Variants in PLD5 observed in about 807,000 individuals in gnomAD.
PLD5 encodes inactive phospholipase D5.
Under a neutral mutation model 61.1 loss-of-function variants are expected in PLD5, and 36 were observed. The observed-to-expected ratio is 0.59, with a 90% CI of 0.45 to 0.78. The LOEUF (loss-of-function observed/expected upper bound fraction) is 0.78. PLD5 is among the 30% of genes least tolerant of loss of function. The probability of loss-of-function intolerance (pLI) is 0.00; values close to 1 mark genes in which losing one functional copy is unlikely to be tolerated. For missense variants in PLD5, 515 were observed against 644.4 expected, an observed-to-expected ratio of 0.80 and a Z score of 2.17; for synonymous variants, 243 against 242.8, an observed-to-expected ratio of 1.00 and a Z score of -0.01.
chr1:242,369,726 T>G (rs533763522), intron 1 of PLD5, among the ~76,000 whole-genome samples: 2 of 152,196 alleles, frequency 1.3e-5, no homozygotes, highest in Admixed American at 1.3e-4. Flanking sequence ...CTGTCTCTTA[T>G]AGCAATGAGA....
chr1:242,096,739 T>A (rs1247293428), intron 9 of PLD5, among the ~76,000 whole-genome samples: 1 of 151,862 alleles, frequency 6.6e-6, no homozygotes, highest in Non-Finnish European at 1.5e-5. Context: ...TGGACTTTTA[T>A]TTTTTATTTT....
At chr1:242,485,019 C>A (rs907760730) in intron 1 of PLD5, among the ~76,000 whole-genome samples, 1 of 152,018 alleles carries the variant, frequency 6.6e-6, no homozygotes, top group Non-Finnish European at 1.5e-5. Context: ...GCCCTTCATG[C>A]TAAAAACTCT....
intron 1 of PLD5, among the ~76,000 whole-genome samples, chr1:242,404,458 C>T (rs755077932): frequency 9.2e-5 from 14 of 152,144 alleles, no homozygotes; most frequent in East Asian, 1.9e-4. Context: ...ACATTAACTA[C>T]GAGCGTTTCT....
chr1:242,318,244 G>A (rs564786486), intron 2 of PLD5, among the ~76,000 whole-genome samples: 158 of 152,238 alleles, frequency 1.0e-3, no homozygotes, highest in Non-Finnish European at 1.7e-3. Context: ...CTTTGCCCAG[G>A]ATAAAAAGAG....
At chr1:242,432,237 C>T (rs1025079613) in intron 1 of PLD5, among the ~76,000 whole-genome samples, 1 of 152,104 alleles carries the variant, frequency 6.6e-6, no homozygotes, top group Non-Finnish European at 1.5e-5. Flanking sequence ...ACCAAGACTC[C>T]AGAAACTACT....
chr1:242,242,928 T>C (rs780683370), intron 4 of PLD5, among the ~76,000 whole-genome samples: 15 of 152,230 alleles, frequency 9.9e-5, no homozygotes, highest in Non-Finnish European at 1.6e-4. Context: ...CAGGTTTTTA[T>C]TACTAGAGAG....
At chr1:242,155,083 T>G (rs534478159) in intron 5 of PLD5, among the ~76,000 whole-genome samples, 2 of 152,312 alleles carry the variant, frequency 1.3e-5, no homozygotes, top group East Asian at 3.9e-4. Context: ...GGAGGGTGTA[T>G]GTGTCCAGCA....
intron 1 of PLD5, among the ~76,000 whole-genome samples, chr1:242,356,409 T>C (rs1280408405): frequency 6.6e-6 from 1 of 151,912 alleles, no homozygotes; most frequent in Admixed American, 6.6e-5. Flanking sequence ...GGTTTCCTTT[T>C]GTGTGGAATA....
rs141831194 is a variant in PLD5, at chr1:242,182,766, C to T, written c.735+37222G>A. Among the ~76,000 whole-genome samples, 1,198 of 152,264 alleles carry T rather than the reference C, an allele frequency of 7.9e-3. 5 individuals carry two copies. Among genetic ancestry groups the T allele is most frequent in the Admixed American group, 0.013 (192 of 15,290 alleles). ...GCTGAGGCACAGGAATCTCTTGAAC[C>T]CAGGAGACGGAGGTTGCAGTGAGGC... On this transcript the variant is annotated intron_variant, in intron 5 of 9. Coordinates refer to ENST00000536534, the MANE Select transcript of PLD5 (RefSeq NM_001372062.1).
intron 3 of PLD5, among the ~76,000 whole-genome samples, chr1:242,276,540 G>A (rs966267685): frequency 8.6e-5 from 13 of 150,622 alleles, no homozygotes; most frequent in African/African-American, 3.2e-4. Context: ...TGGAGCTTAA[G>A]AGAGAGAGGG....
chr1:242,444,374 T>C (rs1666410041), intron 1 of PLD5, among the ~76,000 whole-genome samples: 1 of 152,038 alleles, frequency 6.6e-6, no homozygotes, highest in Non-Finnish European at 1.5e-5. Context: ...AGGGAGGTAT[T>C]TTGTATGCAC....
chr1:242,342,016 A>G (rs1009743577), intron 2 of PLD5, among the ~76,000 whole-genome samples: 4 of 152,132 alleles, frequency 2.6e-5, no homozygotes, highest in Admixed American at 6.6e-5. Context: ...AAAATAGGTG[A>G]CACATGCTTA....
At chr1:242,360,683 G>A (rs921250545) in intron 1 of PLD5, among the ~76,000 whole-genome samples, 17 of 151,974 alleles carry the variant, frequency 1.1e-4, no homozygotes, top group Non-Finnish European at 1.9e-4. Context: ...GTCCTTAAAT[G>A]TTCTTTCATA....
intron 1 of PLD5, among the ~76,000 whole-genome samples, chr1:242,499,728 T>A (rs1017628224): frequency 5.3e-5 from 8 of 152,294 alleles, no homozygotes; most frequent in African/African-American, 1.9e-4. Context: ...ACCCCAAAAC[T>A]TGGTGGCATA....
rs2149090791 is a variant in PLD5, at chr1:242,256,756, AT to A, written c.607+8580del. 1.1e-5 allele frequency among the ~76,000 whole-genome samples: 1 copy of A among 90,604 alleles called. No homozygotes were observed. The highest frequency in any genetic ancestry group is 1.2e-4 in the Admixed American group (1 of 8,636). The allele number at this position is 90,604 out of a possible 152,430, so 59.4% of individuals were successfully genotyped here. On this transcript the variant is annotated intron_variant, in intron 4 of 9. Transcript: ENST00000536534. This position sits in a 1 kb window ranked among gnomAD's most constrained non-coding sequence, Gnocchi z 5.7. ...AATGAACTAAGACTATCATCTATCT[AT>A]CTATCTATCTATCTATCTATCTATC...
chr1:242,487,840 T>C (rs774123633), intron 1 of PLD5, among the ~76,000 whole-genome samples: 5 of 152,212 alleles, frequency 3.3e-5, no homozygotes, highest in Admixed American at 6.5e-5. Flanking sequence ...TATGTATTTA[T>C]GTATATTGTA....
chr1:242,377,411 G>T, intron 1 of PLD5: 1 of 1,085,394 alleles, frequency 9.2e-7, no homozygotes, highest in South Asian at 1.4e-5. Flanking sequence ...GCTTGGGACT[G>T]GGGACCTTGG....
rs1378149847 is a variant in PLD5, at chr1:242,256,482, G to A, written c.607+8855C>T. ...TGAGTCACGAATGTATTGGTGTCTT[G>A]TAGCGGGGGTTGAAAGGAACAAACT... On this transcript the variant is annotated intron_variant, in intron 4 of 9. Transcript: ENST00000536534. The surrounding 1 kb of genome is among the most constrained non-coding windows in gnomAD (Gnocchi z 5.7). Among the ~76,000 whole-genome samples, 1 of 152,200 alleles carries A rather than the reference G, an allele frequency of 6.6e-6. No homozygotes were observed. The highest frequency in any genetic ancestry group is 2.4e-5 in the African/African-American group (1 of 41,448).
At chr1:242,147,397 T>C (rs191510994) in intron 5 of PLD5, 2 of 152,384 alleles carry the variant, frequency 1.3e-5, no homozygotes, top group East Asian at 3.9e-4. Context: ...TGTACCAGTT[T>C]GTTTATCCAT....
Sources: gnomAD v4.1 joint callset for allele counts (sites outside exome capture counted in the v4.1 genomes callset) on GRCh38, gnomAD v4.1.1 for gene constraint, Gnocchi (gnomAD v3.1) non-coding constraint, MANE v1.5 for transcripts, NCBI Gene and HGNC (gene_info 2026-07-23, HGNC 2026-07-21) for gene names.